MAPK6: variants seen among roughly 807,000 people sequenced by gnomAD.
MAPK6 encodes the protein mitogen-activated protein kinase 6.
Under a neutral mutation model 59.3 loss-of-function variants are expected in MAPK6, and 19 were observed. The observed-to-expected ratio is 0.32, with a 90% CI of 0.22 to 0.47. The LOEUF (loss-of-function observed/expected upper bound fraction) is 0.47, where lower values mean the gene tolerates loss of function less well. MAPK6 is among the 20% of genes least tolerant of loss of function. The pLI is 1.00. For missense variants in MAPK6, 724 were observed against 847.9 expected (o/e 0.85, Z 1.81); for synonymous variants, 316 against 290.3 (o/e 1.09, Z -0.90).
intron 2 of MAPK6, among the ~76,000 whole-genome samples, chr15:51,985,471 A>G (rs572706484): frequency 2.0e-5 from 3 of 148,694 alleles, no homozygotes; most frequent in African/African-American, 5.0e-5. Flanking sequence ...CCTGACCAAC[A>G]TGGCGAAACC....
chr15:52,000,928 G>A (rs781723933), intron 2 of MAPK6, among the ~76,000 whole-genome samples: 4 of 152,132 alleles, frequency 2.6e-5, no homozygotes, highest in Non-Finnish European at 5.9e-5. Context: ...TCCCCAATGG[G>A]TGATCTTTTA....
chr15:51,984,447 A>ATTTTTTTTTTTTTTTTTTTTTTTT (rs71130112), intron 2 of MAPK6, among the ~76,000 whole-genome samples: 3 of 69,974 alleles, frequency 4.3e-5, no homozygotes, highest in African/African-American at 2.0e-4. Context: ...ACGCCGGCTA[A>ATTTTTTTTTTTTTTTTTTTTTTTT]TTTTTTTTTT....
chr15:51,999,459 C>T (rs1293548518), intron 2 of MAPK6, among the ~76,000 whole-genome samples: 1 of 152,032 alleles, frequency 6.6e-6, no homozygotes, highest in African/African-American at 2.4e-5. Context: ...AATCCTTTGC[C>T]TATTGTAAAA....
At position 51,998,350 on chromosome 15, in the gene MAPK6, G is replaced by A. The variant is rs142870574; in HGVS notation, c.-769-5915G>A. Among the ~76,000 whole-genome samples, 370 of 151,390 alleles carry A rather than the reference G, an allele frequency of 2.4e-3. 1 individual carries two copies. The highest frequency in any genetic ancestry group is 8.5e-3 in the African/African-American group (350 of 41,256). ...CTCCCAAGTAGCTGGGATTACAGGC[G>A]CCCACCACCACAGCTGGCTAATTTT... is the stretch of plus-strand genomic sequence containing the variant. On this transcript the variant is annotated intron_variant, in intron 2 of 7. Coordinates refer to the MAPK6 transcript ENST00000691380.
chr15:52,036,924 C>G (rs555141029), intron 1 of MAPK6, among the ~76,000 whole-genome samples: 89 of 151,976 alleles, frequency 5.9e-4, no homozygotes, highest in South Asian at 1.9e-3. Context: ...ATCTTGTAAG[C>G]CTTCTTCAGT....
intron 5 of MAPK6, among the ~76,000 whole-genome samples, chr15:52,063,220 A>G (rs1291001930): frequency 6.6e-6 from 1 of 151,948 alleles, no homozygotes; most frequent in African/African-American, 2.4e-5. Flanking sequence ...ACCCGCCACC[A>G]TGTTCAGCTA....
intron 1 of MAPK6, among the ~76,000 whole-genome samples, chr15:52,039,212 G>A (rs1457518886): frequency 3.3e-5 from 5 of 152,148 alleles, no homozygotes; most frequent in Non-Finnish European, 7.4e-5. Context: ...GTTTGACCAT[G>A]TTGGTCAGGC....
At chr15:52,016,172 G>A (rs189190386), upstream of MAPK6, among the ~76,000 whole-genome samples, 11 of 147,692 alleles carry the variant, frequency 7.4e-5, no homozygotes, top group East Asian at 4.1e-4. Context: ...AGGCCAAGGC[G>A]GGTGGTCAGG....
intron 1 of MAPK6, among the ~76,000 whole-genome samples, chr15:51,976,016 CA>C (rs1316333846): frequency 2.0e-5 from 3 of 151,660 alleles, no homozygotes; most frequent in Non-Finnish European, 4.4e-5. Flanking sequence ...CCTGTAATCC[CA>C]GCACTTTGGG....
chr15:52,019,910 C>CGGTGACTCGGCCTCA (rs1216561750), intron 1 of MAPK6: 1 of 153,074 alleles, frequency 6.5e-6, no homozygotes, highest in Non-Finnish European at 1.5e-5. Context: ...CCATCCCACC[C>CGGTGACTCGGCCTCA]GGTGACTCGG....
intron 2 of MAPK6, among the ~76,000 whole-genome samples, chr15:51,990,864 G>A (rs2057205946): frequency 6.6e-6 from 1 of 152,184 alleles, no homozygotes; most frequent in Non-Finnish European, 1.5e-5. Context: ...TGAGGCGGGA[G>A]AATGGCATGA....
At chr15:52,030,124 C>T (rs115701590) in intron 1 of MAPK6, among the ~76,000 whole-genome samples, 321 of 152,190 alleles carry the variant, frequency 2.1e-3, no homozygotes, top group African/African-American at 7.6e-3. Flanking sequence ...TAGGTTTGTT[C>T]AATTTGTTGT....
In MAPK6 at chr15:52,067,250, T is replaced by C. The variant is rs1055911674; in HGVS notation, c.*2250T>C. 1 of 152,104 alleles carries C rather than the reference T, an allele frequency of 6.6e-6. No individual in the cohort carries two copies. Among genetic ancestry groups the C allele is most frequent in the Non-Finnish European group, 1.5e-5 (1 of 68,020 alleles). The allele number at this position is 152,104 out of a possible 1,614,324, so 9.4% of individuals were successfully genotyped here. ...TTGTTGGCATTAAAAAGTCCAAACA[T>C]AGTCATCAAAGGAAGAAGAAAGTAA... is the stretch of plus-strand genomic sequence containing the variant. On this transcript the variant is annotated 3_prime_UTR_variant, in exon 6 of 6. Transcript: ENST00000261845.
intron 2 of MAPK6, among the ~76,000 whole-genome samples, chr15:51,992,267 T>TTTATC (rs1555395391): frequency 1.9e-4 from 27 of 139,966 alleles, no homozygotes; most frequent in African/African-American, 7.4e-4. Context: ...TGTCCCTCAT[T>TTTATC]TATCTATCTA....
intron 3 of MAPK6, chr15:52,011,093 A>G (rs1470173184): frequency 6.6e-6 from 1 of 152,236 alleles, no homozygotes; most frequent in African/African-American, 2.4e-5. Flanking sequence ...ACTTTTGAAC[A>G]TGCACAGTAA....
upstream of MAPK6, among the ~76,000 whole-genome samples, chr15:52,016,060 G>GCACA (rs1318752815): frequency 3.5e-5 from 2 of 56,986 alleles, no homozygotes; most frequent in Non-Finnish European, 3.3e-5. Flanking sequence ...CATCGCGCGC[G>GCACA]CGCGCGCGCG....
At chr15:52,050,864 AAAT>A (rs1461473504) in intron 3 of MAPK6, among the ~76,000 whole-genome samples, 3 of 151,602 alleles carry the variant, frequency 2.0e-5, no homozygotes, top group South Asian at 4.1e-4. Context: ...GCAAGTTGTC[AAAT>A]AATAATAAAC....
chr15:52,051,658 G>C (rs1713421571), intron 3 of MAPK6, among the ~76,000 whole-genome samples: 1 of 152,072 alleles, frequency 6.6e-6, no homozygotes, highest in Non-Finnish European at 1.5e-5. Flanking sequence ...CAGATCACTT[G>C]AGGTCAGGAG....
chr15:51,978,454 T>A (rs949083301), intron 1 of MAPK6, among the ~76,000 whole-genome samples: 5 of 151,920 alleles, frequency 3.3e-5, no homozygotes, highest in African/African-American at 9.7e-5. Flanking sequence ...TAATACGGTA[T>A]CTAAACTCTA....
Sources: gnomAD v4.1 joint callset for allele counts (sites outside exome capture counted in the v4.1 genomes callset) on GRCh38, gnomAD v4.1.1 for gene constraint, MANE v1.5 for transcripts, NCBI Gene and HGNC (gene_info 2026-07-23, HGNC 2026-07-21) for gene names.